The following F13A1 variants were observed in gnomAD, a reference collection of about 807,000 sequenced individuals.
F13A1 encodes the protein coagulation factor XIII A chain, also known as FSF, A subunit.
Under a neutral mutation model 80.1 loss-of-function variants are expected in F13A1, and 47 were observed. The ratio of observed to expected loss-of-function variants is 0.59; its 90% CI spans 0.46 to 0.75. The LOEUF (loss-of-function observed/expected upper bound fraction) is 0.75, where lower values mean the gene tolerates loss of function less well. F13A1 is among the 30% of genes least tolerant of loss of function. The probability of loss-of-function intolerance (pLI) is 0.00; values close to 1 mark genes in which losing one functional copy is unlikely to be tolerated. For missense variants in F13A1, 817 were observed against 930.4 expected, an observed-to-expected ratio of 0.88 and a Z score of 1.59; for synonymous variants, 349 against 344.9, an observed-to-expected ratio of 1.01 and a Z score of -0.13.
intron 3 of F13A1, among the ~76,000 whole-genome samples, chr6:6,271,304 T>C (rs1303561685): frequency 1.3e-5 from 2 of 152,038 alleles, no homozygotes; most frequent in Non-Finnish European, 2.9e-5. Context: ...TGTGACAGAG[T>C]AGTATTTCAT....
chr6:6,242,970 G>A (rs765696134), intron 6 of F13A1, among the ~76,000 whole-genome samples: 1 of 152,116 alleles, frequency 6.6e-6, no homozygotes, highest in Non-Finnish European at 1.5e-5. Flanking sequence ...ACTAGTCTGT[G>A]TTCTCTGTTA....
At chr6:6,195,637 A>G (rs371360201) in intron 10 of F13A1, among the ~76,000 whole-genome samples, 160 bp downstream of exon 10, 1 of 152,252 alleles carries the variant, frequency 6.6e-6, no homozygotes, top group Non-Finnish European at 1.5e-5. Flanking sequence ...TGCATTTAGC[A>G]TTAATAGCCT....
rs1175582531 is a variant in F13A1, at chr6:6,300,467, G to A, written c.319+4884C>T. ...TGATGCGCCGTTTTTTAAGCCTGTC[G>A]GAAAAGTGCAGTATTGGGGTGGGAG... is the stretch of plus-strand genomic sequence containing the variant. On this transcript the variant is annotated intron_variant, in intron 3 of 14. Transcript: ENST00000264870. Among the ~76,000 whole-genome samples the A allele has an allele frequency of 4.6e-5, 7 of 152,074 alleles. No individual in the cohort carries two copies. In the South Asian group the frequency reaches 8.3e-4, roughly 18 times the overall value.
chr6:6,165,446 A>G (rs1760654537), intron 13 of F13A1, among the ~76,000 whole-genome samples: 1 of 152,044 alleles, frequency 6.6e-6, no homozygotes, highest in Admixed American at 6.6e-5. Flanking sequence ...ATTAAATTCT[A>G]TTTTCTGCTG....
intron 13 of F13A1, among the ~76,000 whole-genome samples, chr6:6,153,595 A>G (rs1124220): frequency 0.52 from 79,172 of 151,944 alleles, 21,659 homozygotes; most frequent in African/African-American, 0.71. Context: ...GGAGAGCTGG[A>G]TTCAGGGGAA....
chr6:6,256,350 CTT>C (rs957362962), intron 4 of F13A1, among the ~76,000 whole-genome samples: 37 of 152,252 alleles, frequency 2.4e-4, no homozygotes, highest in African/African-American at 8.9e-4. Context: ...ACTGACAACT[CTT>C]TGATCGTAGG....
chr6:6,251,699 T>C (rs1757635278), intron 4 of F13A1, among the ~76,000 whole-genome samples: 1 of 152,220 alleles, frequency 6.6e-6, no homozygotes, highest in Non-Finnish European at 1.5e-5. Flanking sequence ...TAAGCGTTTT[T>C]ACACGAATTC....
chr6:6,245,665 G>A (rs1345198643), intron 6 of F13A1, among the ~76,000 whole-genome samples: 1 of 152,106 alleles, frequency 6.6e-6, no homozygotes, highest in Non-Finnish European at 1.5e-5. Flanking sequence ...AAGCAAATTT[G>A]TCTTTGGGGC....
chr6:6,217,637 C>A (rs531384901), intron 8 of F13A1, among the ~76,000 whole-genome samples: 2 of 151,894 alleles, frequency 1.3e-5, no homozygotes, highest in African/African-American at 4.8e-5. Flanking sequence ...ATGTTACTAA[C>A]CTGCACGTTG....
chr6:6,250,120 GA>G lies in F13A1; in HGVS notation c.690+690del, dbSNP rs991416196. 1.3e-5 allele frequency among the ~76,000 whole-genome samples: 2 copies of G among 152,160 alleles called. No individual in the cohort carries two copies. The highest frequency in any genetic ancestry group is 4.8e-5 in the African/African-American group (2 of 41,438). ...CAGCCATCCCAGCCAAAACTCCTGA[GA>G]AATGACATTCGCCCCCGCTTGTGTC... On this transcript the variant is annotated intron_variant, in intron 5 of 14. Transcript: ENST00000264870. The surrounding 1 kb of genome is among the most constrained non-coding windows in gnomAD (Gnocchi z 4.2).
intron 3 of F13A1, among the ~76,000 whole-genome samples, chr6:6,302,255 G>A (rs1758443685): frequency 1.3e-5 from 2 of 152,122 alleles, no homozygotes; most frequent in African/African-American, 4.8e-5. Context: ...CAGAACTGTG[G>A]TCCAGAGCTT....
chr6:6,301,128 T>C (rs1758424053), intron 3 of F13A1, among the ~76,000 whole-genome samples: 1 of 152,248 alleles, frequency 6.6e-6, no homozygotes, highest in East Asian at 1.9e-4. Context: ...AAATCTAATT[T>C]CCTTGGCTTT....
chr6:6,170,400 G>C (rs958913366), intron 12 of F13A1, among the ~76,000 whole-genome samples: 1 of 152,184 alleles, frequency 6.6e-6, no homozygotes, highest in Non-Finnish European at 1.5e-5. Flanking sequence ...GAGCCCAAGA[G>C]AACAGTGCTT....
chr6:6,269,343 C>T (rs532344974), intron 3 of F13A1, among the ~76,000 whole-genome samples: 19 of 152,086 alleles, frequency 1.2e-4, no homozygotes, highest in Non-Finnish European at 2.6e-4. Context: ...TCTAAGTGAT[C>T]CTTCTCTGCT....
intron 3 of F13A1, among the ~76,000 whole-genome samples, chr6:6,277,028 T>C (rs1015629564): frequency 2.0e-5 from 3 of 151,628 alleles, no homozygotes; most frequent in African/African-American, 7.3e-5. Flanking sequence ...GGATGGGAGG[T>C]GGTACACACC....
intron 6 of F13A1, among the ~76,000 whole-genome samples, chr6:6,244,761 T>G (rs1314320293): frequency 1.3e-5 from 2 of 152,114 alleles, no homozygotes; most frequent in East Asian, 3.9e-4. Flanking sequence ...CCAGCAGAGG[T>G]GAGTTATTTA....
intron 6 of F13A1, among the ~76,000 whole-genome samples, chr6:6,247,659 G>A (rs573553987): frequency 5.5e-4 from 84 of 152,280 alleles, no homozygotes; most frequent in Non-Finnish European, 1.0e-3. Flanking sequence ...TGCAGAGAGC[G>A]GCATGAAAAG....
chr6:6,165,235 T>C (rs434602), intron 13 of F13A1, among the ~76,000 whole-genome samples: 55,202 of 152,020 alleles, frequency 0.36, 10,759 homozygotes, highest in East Asian at 0.63. Context: ...CAAAACAATA[T>C]AACTCTCCAT....
intron 4 of F13A1, among the ~76,000 whole-genome samples, chr6:6,261,332 G>A (rs915493960): frequency 2.7e-4 from 41 of 152,268 alleles, no homozygotes; most frequent in Non-Finnish European, 5.6e-4. Flanking sequence ...GGCTGGCGGG[G>A]CTGCCTCGAA....
Sources: allele counts gnomAD v4.1 joint callset (sites outside exome capture counted in the v4.1 genomes callset), GRCh38; gene constraint gnomAD v4.1.1; non-coding constraint Gnocchi (gnomAD v3.1); transcripts MANE v1.5; gene names NCBI Gene and HGNC (gene_info 2026-07-23, HGNC 2026-07-21).